GRIA1: variants seen among roughly 807,000 people sequenced by gnomAD.
GRIA1 encodes the protein glutamate ionotropic receptor AMPA type subunit 1.
GRIA1 carries 31 observed loss-of-function variants against 99.2 expected under a neutral mutation model. That is an observed-to-expected ratio of 0.31 (90% CI 0.23 to 0.42). The LOEUF (loss-of-function observed/expected upper bound fraction) is 0.42, where lower values mean the gene tolerates loss of function less well. Ranked by LOEUF, GRIA1 falls within the 10% of genes least tolerant of loss-of-function variation. The pLI is 1.00. For missense variants in GRIA1, 782 were observed against 1,157.5 expected, an observed-to-expected ratio of 0.68 and a Z score of 4.71; for synonymous variants, 438 against 432.4, an observed-to-expected ratio of 1.01 and a Z score of -0.16.
At chr5:153,653,395 G>T (rs1027607569) in intron 4 of GRIA1, among the ~76,000 whole-genome samples, 1 of 152,192 alleles carries the variant, frequency 6.6e-6, no homozygotes, top group African/African-American at 2.4e-5. Flanking sequence ...ATGGCAGGAA[G>T]ATAAACACAC....
chr5:153,783,730 A>G (rs569116500), intron 13 of GRIA1, among the ~76,000 whole-genome samples: 5 of 152,366 alleles, frequency 3.3e-5, no homozygotes, highest in East Asian at 3.9e-4. Context: ...ACAAACATTT[A>G]TGAAGCAGCT....
intron 10 of GRIA1, among the ~76,000 whole-genome samples, chr5:153,701,325 A>G (rs1459258179): frequency 1.3e-5 from 2 of 151,798 alleles, no homozygotes; most frequent in African/African-American, 4.8e-5. Flanking sequence ...CCCAGTAAAA[A>G]CTGTTCTGAC....
intron 11 of GRIA1, among the ~76,000 whole-genome samples, chr5:153,721,738 A>G (rs548216435): frequency 2.0e-5 from 3 of 152,212 alleles, no homozygotes; most frequent in Non-Finnish European, 2.9e-5. Context: ...TTTTGTGGAT[A>G]TACCACAATT....
At chr5:153,610,171 T>A (rs956793318) in intron 2 of GRIA1, among the ~76,000 whole-genome samples, 1 of 152,148 alleles carries the variant, frequency 6.6e-6, no homozygotes, top group Non-Finnish European at 1.5e-5. Flanking sequence ...CAGTGTTGAA[T>A]GGAGACTAAA....
At chr5:153,554,477 G>A (rs1358430131) in intron 2 of GRIA1, among the ~76,000 whole-genome samples, 2 of 152,064 alleles carry the variant, frequency 1.3e-5, no homozygotes, top group African/African-American at 2.4e-5. Flanking sequence ...TCAGGAAGTG[G>A]TTTTTTGTTG....
chr5:153,556,443 C>T (rs1561639225), intron 2 of GRIA1, among the ~76,000 whole-genome samples: 1 of 152,140 alleles, frequency 6.6e-6, no homozygotes, highest in Non-Finnish European at 1.5e-5. Context: ...ATTGAGAATA[C>T]ACAACAGAGT....
At chr5:153,637,483 C>T (rs1753449212) in intron 2 of GRIA1, among the ~76,000 whole-genome samples, 1 of 152,168 alleles carries the variant, frequency 6.6e-6, no homozygotes, top group South Asian at 2.1e-4. Context: ...CTCTATGGAC[C>T]ATCCCGGAAA....
At chr5:153,771,906 A>C (rs940684637) in intron 13 of GRIA1, among the ~76,000 whole-genome samples, 4 of 152,204 alleles carry the variant, frequency 2.6e-5, no homozygotes, top group Non-Finnish European at 5.9e-5. Flanking sequence ...GGAGGGGGGA[A>C]TCAAAGGACA....
At chr5:153,520,636 T>A (rs1407431029) in intron 2 of GRIA1, among the ~76,000 whole-genome samples, 1 of 152,112 alleles carries the variant, frequency 6.6e-6, no homozygotes, top group South Asian at 2.1e-4. Context: ...TTCCTAGATC[T>A]AGTGCTAGAG....
chr5:153,670,747 G>A (rs967299943), intron 5 of GRIA1, among the ~76,000 whole-genome samples: 1 of 151,976 alleles, frequency 6.6e-6, no homozygotes, highest in East Asian at 1.9e-4. Flanking sequence ...GTTCCCCGGG[G>A]AACAGAATGA....
At chr5:153,601,395 T>C (rs901912885) in intron 2 of GRIA1, among the ~76,000 whole-genome samples, 1 of 152,340 alleles carries the variant, frequency 6.6e-6, no homozygotes, top group East Asian at 1.9e-4. Context: ...AGACTTTTTT[T>C]AATATCTTAC....
chr5:153,664,750 A>G (rs1277752710), intron 5 of GRIA1, among the ~76,000 whole-genome samples: 1 of 152,184 alleles, frequency 6.6e-6, no homozygotes, highest in Non-Finnish European at 1.5e-5. Context: ...GGACAAATAA[A>G]TGATTTACTA....
chr5:153,753,699 G>GAAAAA (rs570394934), intron 11 of GRIA1, among the ~76,000 whole-genome samples: 1 of 145,316 alleles, frequency 6.9e-6, no homozygotes, highest in Non-Finnish European at 1.5e-5. Flanking sequence ...AATTCTGCAG[G>GAAAAA]AAAAAAAAAA....
At chr5:153,553,327 T>C (rs1179425877) in intron 2 of GRIA1, among the ~76,000 whole-genome samples, 1 of 152,168 alleles carries the variant, frequency 6.6e-6, no homozygotes, top group Non-Finnish European at 1.5e-5. Flanking sequence ...AGAATTCGAA[T>C]GAGAGGCATA....
At chr5:153,672,104 A>G (rs1756227452) in intron 5 of GRIA1, among the ~76,000 whole-genome samples, 1 of 152,352 alleles carries the variant, frequency 6.6e-6, no homozygotes, top group Admixed American at 6.5e-5. Context: ...TTCATAAACA[A>G]GATGCCTACA....
chr5:153,634,372 A>G (rs1399217910), intron 2 of GRIA1, among the ~76,000 whole-genome samples: 6 of 151,950 alleles, frequency 3.9e-5, no homozygotes, highest in Non-Finnish European at 7.4e-5. Flanking sequence ...GAAGGCCTCT[A>G]TGAAGAGAGA....
At chr5:153,699,308 G>T (rs184818392) in intron 10 of GRIA1, among the ~76,000 whole-genome samples, 1 of 152,174 alleles carries the variant, frequency 6.6e-6, no homozygotes, top group Non-Finnish European at 1.5e-5. Context: ...GTTGATTGTC[G>T]TCCAACACAG....
At chr5:153,707,028 AG>A (rs774572704) in intron 11 of GRIA1, among the ~76,000 whole-genome samples, 2 of 152,156 alleles carry the variant, frequency 1.3e-5, no homozygotes, top group Non-Finnish European at 2.9e-5. Flanking sequence ...TTGAGGTAGG[AG>A]GGTCACTTGA....
chr5:153,682,964 T>C (rs1757084146), intron 7 of GRIA1, among the ~76,000 whole-genome samples: 1 of 152,224 alleles, frequency 6.6e-6, no homozygotes, highest in Non-Finnish European at 1.5e-5. Flanking sequence ...CAGTACCCTT[T>C]ACAGGAAGCC....
Sources: gnomAD v4.1 joint callset for allele counts (sites outside exome capture counted in the v4.1 genomes callset) on GRCh38, gnomAD v4.1.1 for gene constraint, MANE v1.5 for transcripts, NCBI Gene and HGNC (gene_info 2026-07-23, HGNC 2026-07-21) for gene names.